MED13L: variants seen among roughly 807,000 people sequenced by gnomAD.
MED13L encodes mediator complex subunit 13L, also known as mediator of RNA polymerase II transcription subunit 13-like.
Under a neutral mutation model 220.9 loss-of-function variants are expected in MED13L, and 7 were observed. That is an observed-to-expected ratio of 0.03 (90% confidence interval 0.02 to 0.06). MED13L has a LOEUF of 0.06. MED13L is among the 10% of genes least tolerant of loss of function. The probability of loss-of-function intolerance (pLI) is 1.00; values close to 1 mark genes in which losing one functional copy is unlikely to be tolerated. For synonymous variants in MED13L, 1,011 were observed against 1,015.2 expected, an observed-to-expected ratio of 1.00 and a Z score of 0.08; for missense variants, 1,965 against 2,760.5, an observed-to-expected ratio of 0.71 and a Z score of 6.46.
intron 2 of MED13L, among the ~76,000 whole-genome samples, chr12:116,162,129 A>G (rs1259584044): frequency 6.6e-6 from 1 of 152,210 alleles, no homozygotes; most frequent in African/African-American, 2.4e-5. Context: ...AAAACAGACG[A>G]GTTTTTCCTA....
At chr12:116,100,671 G>A (rs1222883829) in intron 3 of MED13L, among the ~76,000 whole-genome samples, 1 of 152,022 alleles carries the variant, frequency 6.6e-6, no homozygotes, top group Non-Finnish European at 1.5e-5. Context: ...AGCACTCTGG[G>A]GAGCCAAAGT....
In MED13L at chr12:116,109,457, A is replaced by C. The variant is rs149637437; in HGVS notation, c.395+1971T>G. Among the ~76,000 whole-genome samples the C allele has an allele frequency of 7.2e-5, 11 of 152,282 alleles. No individual in the cohort carries two copies. The East Asian group carries it at 1.9e-3, about 27-fold the overall frequency. ...GAAACATGCTACCATTGCCAGTACA[A>C]AACTTAAAAGAATGTAATTCATTTT... is the stretch of plus-strand genomic sequence containing the variant. On this transcript the variant is annotated intron_variant, in intron 3 of 30. Coordinates refer to ENST00000281928, the MANE Select transcript of MED13L (RefSeq NM_015335.5).
rs961203703 is a variant in MED13L, at chr12:116,060,049, G to C, written c.479+36620C>G. ...AGGGCAAAAAAACCCTCTAATACTA[G>C]AGGTGCAGTATGCAGTTTCACTGCT... On this transcript the variant is annotated intron_variant, in intron 4 of 30. Coordinates refer to ENST00000281928, the MANE Select transcript of MED13L (RefSeq NM_015335.5). 3.9e-5 allele frequency among the ~76,000 whole-genome samples: 6 copies of C among 152,168 alleles called. No homozygotes were observed. In the South Asian group the frequency reaches 6.2e-4, roughly 16 times the overall value.
Position 116,096,663 on chromosome 12 carries a change from G to C in MED13L, c.479+6C>G, listed in dbSNP as rs747375634. 1 of 1,612,962 alleles carries C rather than the reference G, an allele frequency of 6.2e-7. No individual in the cohort carries two copies. Among genetic ancestry groups the C allele is most frequent in the Admixed American group, 1.7e-5 (1 of 59,992 alleles). ...CCAAAAAGCCAAGAGCATTCTAAAG[G>C]CTCACCTTTTGTTGACTGGCTTTTC... is the stretch of plus-strand genomic sequence containing the variant. On this transcript the variant is annotated splice_donor_region_variant and intron_variant, in intron 4 of 30. Transcript: ENST00000281928.
At chr12:115,989,807 C>T (rs1426838591) in intron 17 of MED13L, among the ~76,000 whole-genome samples, 1 of 152,170 alleles carries the variant, frequency 6.6e-6, no homozygotes, top group Non-Finnish European at 1.5e-5. Flanking sequence ...TCTTCTCCAC[C>T]TTCTTCACAA....
At chr12:116,276,420 C>T in intron 1 of MED13L, 1 of 1,286,958 alleles carries the variant, frequency 7.8e-7, no homozygotes, top group Non-Finnish European at 1.0e-6. Flanking sequence ...GAAGAAAAAG[C>T]TTTCTCCACC....
chr12:116,029,931 T>C (rs1423287482), intron 4 of MED13L, among the ~76,000 whole-genome samples: 1 of 152,130 alleles, frequency 6.6e-6, no homozygotes, highest in Non-Finnish European at 1.5e-5. Context: ...AATGATGATA[T>C]ACAGTCTACA....
intron 3 of MED13L, among the ~76,000 whole-genome samples, chr12:116,097,842 A>T (rs1872738478): frequency 6.6e-6 from 1 of 152,226 alleles, no homozygotes; most frequent in Non-Finnish European, 1.5e-5. Flanking sequence ...ACAACAACAC[A>T]GAGTTATGAT....
At chr12:116,009,216 T>C (rs755041086) in intron 9 of MED13L, 84 bp from the exon 10 acceptor site, 14 of 1,359,350 alleles carry the variant, frequency 1.0e-5, no homozygotes, top group East Asian at 7.2e-5. Context: ...AAGCATACAT[T>C]AGATGTACTA....
At chr12:116,200,468 TCTTTC>T (rs926448051) in intron 2 of MED13L, among the ~76,000 whole-genome samples, 97 of 152,326 alleles carry the variant, frequency 6.4e-4, no homozygotes, top group African/African-American at 2.1e-3. Flanking sequence ...AGAAAAATAA[TCTTTC>T]CTTTCAGGTC....
intron 28 of MED13L, among the ~76,000 whole-genome samples, chr12:115,968,186 C>T (rs1213965167): frequency 2.0e-5 from 3 of 151,730 alleles, no homozygotes; most frequent in Non-Finnish European, 4.4e-5. Flanking sequence ...GTCTTAACTC[C>T]CCAGTCTCAT....
intron 2 of MED13L, among the ~76,000 whole-genome samples, chr12:116,185,346 ATTC>A (rs759238859): frequency 6.6e-6 from 1 of 151,902 alleles, no homozygotes; most frequent in Non-Finnish European, 1.5e-5. Flanking sequence ...ACACAAGTTC[ATTC>A]TTTTTTTTTT....
chr12:115,979,754 T>A (rs1877196803), intron 23 of MED13L, among the ~76,000 whole-genome samples: 1 of 152,268 alleles, frequency 6.6e-6, no homozygotes, highest in African/African-American at 2.4e-5. Flanking sequence ...AATGGGATAC[T>A]TTTCATGCAA....
chr12:116,042,468 G>A (rs1881591610), intron 4 of MED13L, among the ~76,000 whole-genome samples: 2 of 152,200 alleles, frequency 1.3e-5, no homozygotes, highest in South Asian at 4.1e-4. Context: ...ATAGAATAAT[G>A]GAAGGCAAGG....
chr12:116,188,225 C>T (rs1218753144), intron 2 of MED13L, among the ~76,000 whole-genome samples: 1 of 151,836 alleles, frequency 6.6e-6, no homozygotes, highest in Non-Finnish European at 1.5e-5. Context: ...TTATGGCTAA[C>T]AAAACCAATT....
chr12:115,991,323 G>C lies in MED13L; in HGVS notation c.3631C>G (p.Gln1211Glu). Reference protein sequence around the residue: ...LMMCQSTFLPQVEGTKKPQEP... With the variant: ...LMMCQSTFLPEVEGTKKPQEP... ...TGGGGTTTTTTGGTTCCTTCCACCTGAGGAAGGAAGGTGGACTGACACATC... is the reference window on the plus strand; with the variant it reads ...TGGGGTTTTTTGGTTCCTTCCACCTCAGGAAGGAAGGTGGACTGACACATC... The change falls in exon 17 of 31, where the codon CAG becomes GAG. Residue 1211 changes from glutamine (Q) to glutamate (E), a missense_variant. Gln to Glu is a conservative substitution (Grantham distance 29). Around this residue, in one of 10 missense-constraint regions of MED13L, gnomAD observed 165 missense variants for 190.8 expected, o/e 0.86. Transcript: ENST00000281928. This position sits in a 1 kb window ranked among gnomAD's most constrained non-coding sequence, Gnocchi z 7.7. 6.2e-7 allele frequency: 1 copy of C among 1,614,034 alleles called. No individual in the cohort carries two copies. Among genetic ancestry groups the C allele is most frequent in the Admixed American group, 1.7e-5 (1 of 60,022 alleles).
At chr12:116,209,848 T>C (rs546421453) in intron 2 of MED13L, among the ~76,000 whole-genome samples, 29 of 152,204 alleles carry the variant, frequency 1.9e-4, no homozygotes, top group Non-Finnish European at 4.0e-4. Context: ...TGCTCTGTCT[T>C]ACCCTATTCT....
At chr12:116,186,248 T>C (rs1251311704) in intron 2 of MED13L, among the ~76,000 whole-genome samples, 4 of 152,214 alleles carry the variant, frequency 2.6e-5, no homozygotes, top group Non-Finnish European at 5.9e-5. Context: ...ATCTTCATGT[T>C]TTCTCTATCC....
At chr12:116,164,647 A>T (rs1879120558) in intron 2 of MED13L, among the ~76,000 whole-genome samples, 1 of 152,170 alleles carries the variant, frequency 6.6e-6, no homozygotes, top group Non-Finnish European at 1.5e-5. Flanking sequence ...GTATAATTTC[A>T]CACAGCACCA....
Sources: allele counts gnomAD v4.1 joint callset (sites outside exome capture counted in the v4.1 genomes callset), GRCh38; gene constraint gnomAD v4.1.1; regional missense constraint gnomAD v4.1.1; non-coding constraint Gnocchi (gnomAD v3.1); transcripts MANE v1.5; gene names NCBI Gene and HGNC (gene_info 2026-07-23, HGNC 2026-07-21).